The following DNM1L variants were observed in gnomAD, a reference collection of about 807,000 sequenced individuals.
DNM1L encodes the protein dynamin 1L.
A neutral mutation model predicts 92.8 loss-of-function variants in DNM1L; 33 were observed. The ratio of observed to expected loss-of-function variants is 0.36; its 90% confidence interval spans 0.27 to 0.48. The LOEUF is 0.48. Ranked by LOEUF, DNM1L falls within the 20% of genes least tolerant of loss-of-function variation. The probability of loss-of-function intolerance (pLI) is 0.99; values close to 1 mark genes in which losing one functional copy is unlikely to be tolerated. For missense variants in DNM1L, 485 were observed against 888.8 expected (o/e 0.55, Z 5.78); for synonymous variants, 284 against 305.0 (o/e 0.93, Z 0.72).
chr12:32,726,492 TACTC>T, intron 9 of DNM1L: 1 of 1,060,378 alleles, frequency 9.4e-7, no homozygotes, highest in South Asian at 1.3e-5. Context: ...TTCTTCATCA[TACTC>T]ATCATCATCA....
At chr12:32,719,574 T>C (rs1953711448) in intron 7 of DNM1L, among the ~76,000 whole-genome samples, 1 of 151,940 alleles carries the variant, frequency 6.6e-6, no homozygotes, top group South Asian at 2.1e-4. Flanking sequence ...TAGTATTGAG[T>C]GTCTAATTAA....
At chr12:32,701,684 G>A in intron 2 of DNM1L, 122 bp downstream of exon 2, 1 of 863,084 alleles carries the variant, frequency 1.2e-6, no homozygotes, top group Non-Finnish European at 1.9e-6. Flanking sequence ...AGTCCTGTGA[G>A]AAGTAGTATG....
At chr12:32,720,943 GTC>G in intron 8 of DNM1L, 148 bp downstream of exon 8, 1 of 972,668 alleles carries the variant, frequency 1.0e-6, no homozygotes, top group Non-Finnish European at 1.5e-6. Flanking sequence ...AAGAGTAGAT[GTC>G]TCTGTTTTTA....
At chr12:32,704,481 C>T (rs1057322329) in intron 2 of DNM1L, among the ~76,000 whole-genome samples, 29 of 149,982 alleles carry the variant, frequency 1.9e-4, no homozygotes, top group African/African-American at 7.1e-4. Flanking sequence ...ACCCGGGAGG[C>T]GGAGGTTGTA....
rs552443055 is a variant in DNM1L at position 32,706,994 on chromosome 12, T to C, written c.251-373T>C. On this transcript the variant is annotated intron_variant, in intron 2 of 19. Transcript: ENST00000549701. ...AACTTTATTTTCGTCAGAAAACTGC[T>C]TTTATATGTAAGATTTTCAAAACTA... 2.0e-4 allele frequency: 45 copies of C among 222,248 alleles called. No homozygotes were observed. In the South Asian group the frequency reaches 3.0e-3, roughly 15 times the overall value. The allele number at this position is 222,248 out of a possible 1,614,324, so 13.8% of individuals were successfully genotyped here. A position where few individuals can be genotyped will look rare whatever the true frequency, so the allele number is the denominator to read the frequency against.
Position 32,743,743 on chromosome 12 carries a change from A to ATCTT in DNM1L, c.*335_*338dup, listed in dbSNP as rs568956138. ...TGTGGATAAGATGACCTGTGTAATAATCTTTGTTAGTAGTCTTAAAGCTGC... is the reference window on the plus strand; with the variant it reads ...TGTGGATAAGATGACCTGTGTAATAATCTTTCTTTGTTAGTAGTCTTAAAGCTGC... On this transcript the variant is annotated 3_prime_UTR_variant, in exon 20 of 20. Coordinates refer to ENST00000549701, the MANE Select transcript of DNM1L (RefSeq NM_012062.5). 2.4e-3 allele frequency: 784 copies of ATCTT among 322,000 alleles called. 5 individuals are homozygous for ATCTT. Among genetic ancestry groups the ATCTT allele is most frequent in the South Asian group, 0.013 (317 of 25,214 alleles). The allele number at this position is 322,000 out of a possible 1,614,324, so 19.9% of individuals were successfully genotyped here.
chr12:32,688,634 C>G lies in DNM1L; in HGVS notation c.102+9169C>G, dbSNP rs988726032. On this transcript the variant is annotated intron_variant, in intron 1 of 19. Coordinates refer to ENST00000549701, the MANE Select transcript of DNM1L (RefSeq NM_012062.5). ...TCAACAGTTTGATTATAATTTATCT[C>G]AATGTGTGTATTTCTTTGTGTTTAT... is the stretch of plus-strand genomic sequence containing the variant. Among the ~76,000 whole-genome samples, 64 of 152,162 alleles carry G rather than the reference C, an allele frequency of 4.2e-4. 2 individuals are homozygous for G. The highest frequency in any genetic ancestry group is 2.6e-4 in the Non-Finnish European group (18 of 68,040).
At position 32,722,511 on chromosome 12, in the gene DNM1L, A is replaced by G; in HGVS notation, c.957A>G (p.Leu319=). The G allele has an allele frequency of 6.2e-7, 1 of 1,613,512 alleles. No individual in the cohort carries two copies. Among genetic ancestry groups the G allele is most frequent in the Non-Finnish European group, 8.5e-7 (1 of 1,179,988 alleles). The change falls in exon 9 of 20, where the codon CTA becomes CTG. Residue 319 remains leucine (L), a synonymous_variant. Coordinates refer to ENST00000549701, the MANE Select transcript of DNM1L (RefSeq NM_012062.5). The part of the protein sequence containing the change: ...NVLAAQYQSL[L]NSYGEPVDDK... ...TAGCTGCTCAGTATCAGTCTCTTCT[A>G]AATAGCTACGGTGAACCCGTGGATG...
chr12:32,696,421 A>G (rs1322810690), intron 1 of DNM1L, among the ~76,000 whole-genome samples: 1 of 148,060 alleles, frequency 6.8e-6, no homozygotes, highest in Non-Finnish European at 1.5e-5. Flanking sequence ...CACACAATAT[A>G]GTGAGACCCT....
intron 1 of DNM1L, among the ~76,000 whole-genome samples, chr12:32,693,308 T>A (rs1430861109): frequency 1.3e-5 from 2 of 152,242 alleles, no homozygotes; most frequent in African/African-American, 4.8e-5. Context: ...TGTTGATATC[T>A]CTGCACATTA....
At chr12:32,705,822 C>T (rs769333270) in intron 2 of DNM1L, 8 of 1,597,672 alleles carry the variant, frequency 5.0e-6, no homozygotes, top group Non-Finnish European at 6.8e-6. Context: ...TCTTTAACTA[C>T]AGACCCTGCT....
chr12:32,731,959 A>T lies in DNM1L; in HGVS notation c.1446+16A>T. 1 of 1,589,960 alleles carries T rather than the reference A, an allele frequency of 6.3e-7. No individual in the cohort carries two copies. The highest frequency in any genetic ancestry group is 8.6e-7 in the Non-Finnish European group (1 of 1,158,282). On this transcript the variant is annotated intron_variant, in intron 12 of 19. Transcript: ENST00000549701. The surrounding 1 kb of genome is among the most constrained non-coding windows in gnomAD (Gnocchi z 5.1). ...AAATGAAATGGTGAGCTACTATAGC[A>T]TAGATCATTGTAATTACTATTAGTA...
At chr12:32,716,242 T>TA (rs1555120113) in intron 6 of DNM1L, among the ~76,000 whole-genome samples, 1 of 147,854 alleles carries the variant, frequency 6.8e-6, no homozygotes, top group African/African-American at 2.5e-5. Context: ...GAAAATTTGG[T>TA]GGGGGGGGGT....
chr12:32,727,191 G>A (rs1954207800), intron 9 of DNM1L: 2 of 952,400 alleles, frequency 2.1e-6, no homozygotes, highest in South Asian at 1.3e-5. Context: ...TTCATAAATT[G>A]TATTAGTAAT....
chr12:32,719,956 T>C (rs1953732232), intron 7 of DNM1L, among the ~76,000 whole-genome samples: 1 of 152,218 alleles, frequency 6.6e-6, no homozygotes, highest in Non-Finnish European at 1.5e-5. Context: ...GAAATTATCA[T>C]GAAATCTGAG....
At chr12:32,711,355 G>T in intron 5 of DNM1L, 1 of 278,718 alleles carries the variant, frequency 3.6e-6, no homozygotes, top group Non-Finnish European at 6.9e-6. Context: ...AGATTTTATG[G>T]CTTTAACTAC....
intron 9 of DNM1L, chr12:32,728,961 TTTTTTA>T: frequency 6.6e-6 from 1 of 151,720 alleles, no homozygotes. Context: ...TTATTTTTTA[TTTTTTA>T]TTTTTATTAG....
intron 5 of DNM1L, among the ~76,000 whole-genome samples, chr12:32,712,649 C>CA (rs59906286): frequency 0.15 from 4,533 of 29,678 alleles, 1,171 homozygotes; most frequent in African/African-American, 0.19. Context: ...GACCCTGTCT[C>CA]AAAAAAAAAA....
chr12:32,691,943 T>C (rs1952250605), intron 1 of DNM1L, among the ~76,000 whole-genome samples: 1 of 152,028 alleles, frequency 6.6e-6, no homozygotes, highest in Admixed American at 6.6e-5. Context: ...TACTACAAGC[T>C]TCTAAATTGA....
Sources: allele counts gnomAD v4.1 joint callset (sites outside exome capture counted in the v4.1 genomes callset), GRCh38; gene constraint gnomAD v4.1.1; non-coding constraint Gnocchi (gnomAD v3.1); transcripts MANE v1.5; gene names NCBI Gene and HGNC (gene_info 2026-07-23, HGNC 2026-07-21).